CNTNAP2: variants seen among roughly 807,000 people sequenced by gnomAD.
CNTNAP2 encodes contactin associated protein 2.
A neutral mutation model predicts 155.2 loss-of-function variants in CNTNAP2; 98 were observed. The observed-to-expected ratio is 0.63, with a 90% CI of 0.54 to 0.75. The LOEUF (loss-of-function observed/expected upper bound fraction) is 0.75, where lower values mean the gene tolerates loss of function less well. Ranked by LOEUF, CNTNAP2 falls within the 30% of genes least tolerant of loss-of-function variation. The pLI, the probability that CNTNAP2 is intolerant of heterozygous loss-of-function variation, is 0.00. For synonymous variants in CNTNAP2, 651 were observed against 631.2 expected (o/e 1.03, Z -0.47); for missense variants, 1,727 against 1,688.1 (o/e 1.02, Z -0.40).
intron 12 of CNTNAP2, among the ~76,000 whole-genome samples, chr7:147,567,995 A>G (rs1800207642): frequency 6.6e-6 from 1 of 152,166 alleles, no homozygotes; most frequent in Admixed American, 6.5e-5. Flanking sequence ...CTGAGACAGG[A>G]GAGTCACTTG....
intron 1 of CNTNAP2, among the ~76,000 whole-genome samples, chr7:146,240,277 T>C (rs1264097461): frequency 1.3e-5 from 2 of 152,142 alleles, no homozygotes; most frequent in African/African-American, 4.8e-5. Context: ...TACATATTAT[T>C]TCCTGTTCTG....
intron 1 of CNTNAP2, among the ~76,000 whole-genome samples, chr7:146,690,596 G>A (rs73166391): frequency 0.049 from 7,429 of 152,184 alleles, 326 homozygotes; most frequent in East Asian, 0.11. Context: ...TGTTTTATGC[G>A]TATGATAGCT....
intron 3 of CNTNAP2, among the ~76,000 whole-genome samples, chr7:146,991,413 T>C (rs541934945): frequency 9.9e-5 from 15 of 152,266 alleles, no homozygotes; most frequent in African/African-American, 3.6e-4. Flanking sequence ...GAAATGATTC[T>C]GCAGGACCAA....
At chr7:148,232,772 A>G (rs764088322) in intron 20 of CNTNAP2, among the ~76,000 whole-genome samples, 5 of 152,226 alleles carry the variant, frequency 3.3e-5, no homozygotes, top group Admixed American at 6.5e-5. Context: ...AATTTAGATG[A>G]TCCTCATCAG....
chr7:146,245,480 A>T (rs1451798373), intron 1 of CNTNAP2, among the ~76,000 whole-genome samples: 1 of 152,216 alleles, frequency 6.6e-6, no homozygotes. Flanking sequence ...GCACGCAGAC[A>T]TGACGGCTAG....
chr7:147,128,922 A>C, intron 7 of CNTNAP2, 86 bp downstream of exon 7: 4 of 1,544,928 alleles, frequency 2.6e-6, no homozygotes, highest in Admixed American at 1.7e-5. Context: ...CAACAAAATC[A>C]TGACATTTTT....
At chr7:147,291,849 G>A (rs1805319432) in intron 8 of CNTNAP2, among the ~76,000 whole-genome samples, 1 of 151,958 alleles carries the variant, frequency 6.6e-6, no homozygotes. Context: ...CATGGTTTTG[G>A]TTTCCCTGAT....
intron 13 of CNTNAP2, among the ~76,000 whole-genome samples, chr7:147,900,240 C>A (rs2710111): frequency 0.3 from 45,949 of 151,914 alleles, 7,094 homozygotes; most frequent in Middle Eastern, 0.43. Context: ...CCACCCAAAT[C>A]TCATATTGAA....
At position 146,639,965 on chromosome 7, in the gene CNTNAP2, T is replaced by C. The variant is rs577584090; in HGVS notation, c.98-134306T>C. ...CCCAAGACTTAGTAGCTTTTGAAGC[T>C]TCACCATTGAGGATGTGCATTTTTA... On this transcript the variant is annotated intron_variant, in intron 1 of 23. Coordinates refer to ENST00000361727, the MANE Select transcript of CNTNAP2 (RefSeq NM_014141.6). Among the ~76,000 whole-genome samples the C allele has an allele frequency of 7.2e-5, 11 of 152,312 alleles. No individual in the cohort carries two copies. The East Asian group carries it at 2.1e-3, about 30-fold the overall frequency.
rs543626183 is a variant in CNTNAP2 at position 146,121,833 on chromosome 7, G to A, written c.97+4860G>A. Among the ~76,000 whole-genome samples the A allele has an allele frequency of 9.2e-5, 14 of 152,146 alleles. No individual in the cohort carries two copies. In the South Asian group the frequency reaches 1.0e-3, roughly 11 times the overall value. Reference sequence around the variant, plus strand: ...TGAAATAAATTATATGCTTATTTTTGCCATTTTAATAAGTAAGAATAATGA... The same window carrying A: ...TGAAATAAATTATATGCTTATTTTTACCATTTTAATAAGTAAGAATAATGA... On this transcript the variant is annotated intron_variant, in intron 1 of 23. Transcript: ENST00000361727.
chr7:147,666,462 C>A (rs150382414), intron 13 of CNTNAP2, among the ~76,000 whole-genome samples: 66 of 152,306 alleles, frequency 4.3e-4, no homozygotes, highest in African/African-American at 1.5e-3. Context: ...ATATCACATA[C>A]AATTACAAGC....
intron 1 of CNTNAP2, among the ~76,000 whole-genome samples, chr7:146,527,957 C>T (rs567604814): frequency 1.3e-5 from 2 of 152,128 alleles, no homozygotes; most frequent in Admixed American, 6.5e-5. Flanking sequence ...CATTTTACGG[C>T]TTTTGTTTTA....
At chr7:147,232,584 A>G (rs565155046) in intron 8 of CNTNAP2, among the ~76,000 whole-genome samples, 11 of 152,346 alleles carry the variant, frequency 7.2e-5, no homozygotes, top group African/African-American at 2.4e-4. Context: ...CAATGGGGAA[A>G]GGATAGTTTC....
rs999782415 is a variant in CNTNAP2 at position 147,442,134 on chromosome 7, T to C, written c.1671-43801T>C. Among the ~76,000 whole-genome samples, 3 of 152,142 alleles carry C rather than the reference T, an allele frequency of 2.0e-5. No individual in the cohort carries two copies. The South Asian group carries it at 6.2e-4, about 32-fold the overall frequency. Reference sequence around the variant, plus strand: ...GCCCTGGGTGGGTTCAGATGTGCTGTCTGTGAGCCAGGGACTAGAGTCAAC... The same window carrying C: ...GCCCTGGGTGGGTTCAGATGTGCTGCCTGTGAGCCAGGGACTAGAGTCAAC... On this transcript the variant is annotated intron_variant, in intron 10 of 23. Transcript: ENST00000361727.
intron 1 of CNTNAP2, among the ~76,000 whole-genome samples, chr7:146,360,201 A>G (rs1230850736): frequency 2.0e-5 from 3 of 152,126 alleles, no homozygotes; most frequent in Admixed American, 2.0e-4. Flanking sequence ...TGACAGAAGT[A>G]CACTTCCCTT....
chr7:146,997,025 G>A (rs991411911), intron 3 of CNTNAP2, among the ~76,000 whole-genome samples: 3 of 151,974 alleles, frequency 2.0e-5, no homozygotes, highest in African/African-American at 7.2e-5. Context: ...CCATGATTGT[G>A]AGGCCTCCCC....
intron 13 of CNTNAP2, among the ~76,000 whole-genome samples, chr7:147,891,215 T>G (rs892202242): frequency 2.6e-5 from 4 of 151,628 alleles, no homozygotes; most frequent in Admixed American, 2.6e-4. Context: ...AGATTTTTTT[T>G]TTTTTTTGAG....
At chr7:147,330,012 C>G (rs35250139) in intron 9 of CNTNAP2, among the ~76,000 whole-genome samples, 29,327 of 152,012 alleles carry the variant, frequency 0.19, 3,137 homozygotes, top group Non-Finnish European at 0.24. Flanking sequence ...TCCTGAGTGG[C>G]AGGAATGTCT....
chr7:148,178,943 T>C (rs948721721), intron 18 of CNTNAP2, among the ~76,000 whole-genome samples: 1 of 152,226 alleles, frequency 6.6e-6, no homozygotes, highest in Non-Finnish European at 1.5e-5. Flanking sequence ...GAGTATTGGA[T>C]TGTCATTTCG....
Sources: allele counts gnomAD v4.1 joint callset (sites outside exome capture counted in the v4.1 genomes callset), GRCh38; gene constraint gnomAD v4.1.1; transcripts MANE v1.5; gene names NCBI Gene and HGNC (gene_info 2026-07-23, HGNC 2026-07-21).